The following TXNRD1 variants were observed in gnomAD, a reference collection of about 807,000 sequenced individuals.
The protein encoded by TXNRD1 is thioredoxin reductase 1, cytoplasmic.
A neutral mutation model predicts 80.3 loss-of-function variants in TXNRD1; 57 were observed. That is an observed-to-expected ratio of 0.71 (90% CI 0.57 to 0.89). TXNRD1 has a LOEUF of 0.89. TXNRD1 is among the 40% of genes least tolerant of loss of function. The pLI, the probability that TXNRD1 is intolerant of heterozygous loss-of-function variation, is 0.00. For missense variants in TXNRD1, 730 were observed against 803.0 expected, an observed-to-expected ratio of 0.91 and a Z score of 1.10; for synonymous variants, 291 against 285.2, an observed-to-expected ratio of 1.02 and a Z score of -0.20.
chr12:104,257,767 C>T (rs896348979), intron 2 of TXNRD1, among the ~76,000 whole-genome samples: 6 of 152,192 alleles, frequency 3.9e-5, no homozygotes, highest in Non-Finnish European at 7.4e-5. Context: ...AGTCACTAAA[C>T]ATATAAAATG....
chr12:104,301,101 T>C (rs1015416744), intron 4 of TXNRD1, among the ~76,000 whole-genome samples: 1 of 152,236 alleles, frequency 6.6e-6, no homozygotes, highest in African/African-American at 2.4e-5. Context: ...TCTGTTGCTC[T>C]GAGCAAGTTG....
intron 16 of TXNRD1, among the ~76,000 whole-genome samples, chr12:104,347,642 G>A (rs1234450451): frequency 6.6e-6 from 1 of 152,192 alleles, no homozygotes; most frequent in Non-Finnish European, 1.5e-5. Context: ...GTATTGCAAA[G>A]AGCATATTGG....
rs570714663 is a variant in TXNRD1 at position 104,341,599 on chromosome 12, GT to G, written c.1881+2327del. 6.3e-3 allele frequency among the ~76,000 whole-genome samples: 956 copies of G among 152,272 alleles called. 9 individuals are homozygous for G. The highest frequency in any genetic ancestry group is 0.022 in the African/African-American group (902 of 41,526). The stretch of plus-strand genomic sequence containing the variant: ...ACAGAGCACTTCTGACCCCAGATTT[GT>G]GGGGGTTTTGCTCACACGACCAATT... On this transcript the variant is annotated intron_variant, in intron 16 of 16. Transcript: ENST00000525566.
At chr12:104,252,992 G>A (rs4964267) in intron 2 of TXNRD1, among the ~76,000 whole-genome samples, 119,435 of 151,572 alleles carry the variant, frequency 0.79, 47,341 homozygotes, top group East Asian at 0.87. Context: ...GTGAGCCACC[G>A]CGCCCGGCCG....
chr12:104,345,895 T>G, intron 16 of TXNRD1: 1 of 1,151,390 alleles, frequency 8.7e-7, no homozygotes, highest in Non-Finnish European at 1.2e-6. Flanking sequence ...CTTGTACGAG[T>G]CCTGTGTGTT....
chr12:104,325,385 C>G lies in TXNRD1; in HGVS notation c.1264C>G (p.Gln422Glu), dbSNP rs187437891. ...ACCAGGCCGACTCAGAGTAGTAGCT[C>G]AGTCCACCAATAGTGAGGAAATCAT... ...GTPGRLRVVA[Q>E]STNSEEIIEG... Residue 422 changes from glutamine (Q) to glutamate (E), a missense_variant, in exon 11 of 17, where the codon CAG becomes GAG. Gln to Glu is a conservative substitution (Grantham distance 29, BLOSUM62 2). Coordinates refer to ENST00000525566, the MANE Select transcript of TXNRD1 (RefSeq NM_001093771.3). The G allele has an allele frequency of 5.7e-5, 92 of 1,613,340 alleles. No homozygotes were observed. The African/African-American group carries it at 1.1e-3, about 19-fold the overall frequency.
chr12:104,263,389 T>A (rs922328120), intron 3 of TXNRD1, among the ~76,000 whole-genome samples: 17 of 152,156 alleles, frequency 1.1e-4, no homozygotes, highest in African/African-American at 4.1e-4. Context: ...TTATGTATAA[T>A]GTTCATGGTG....
intron 3 of TXNRD1, among the ~76,000 whole-genome samples, chr12:104,270,233 C>G (rs1433701904): frequency 1.3e-5 from 2 of 152,148 alleles, no homozygotes; most frequent in African/African-American, 4.8e-5. Flanking sequence ...CTTACTTTGC[C>G]CAGATCTGTC....
At chr12:104,291,495 T>C (rs2034212433) in intron 4 of TXNRD1, among the ~76,000 whole-genome samples, 1 of 147,004 alleles carries the variant, frequency 6.8e-6, no homozygotes, top group Admixed American at 6.7e-5. Flanking sequence ...TTTTTTTTTT[T>C]TTTTTTGAGA....
At chr12:104,276,695 G>GACC (rs746163302) in intron 3 of TXNRD1, 1 of 152,218 alleles carries the variant, frequency 6.6e-6, no homozygotes, top group Non-Finnish European at 1.5e-5. Context: ...GGGTAAGAAA[G>GACC]ACCAACCCCT....
At chr12:104,252,691 T>TATATATATATATATATATA (rs34752671) in intron 2 of TXNRD1, among the ~76,000 whole-genome samples, 8 of 31,470 alleles carry the variant, frequency 2.5e-4, no homozygotes, top group Admixed American at 5.4e-4. Context: ...TATATATATA[T>TATATATATATATATATATA]TTTTTTTTTT....
At chr12:104,245,747 AG>A (rs928117065) in intron 1 of TXNRD1, among the ~76,000 whole-genome samples, 7 of 151,794 alleles carry the variant, frequency 4.6e-5, no homozygotes, top group African/African-American at 1.7e-4. Flanking sequence ...TGTGTTACAC[AG>A]CCCTGTGGAC....
intron 4 of TXNRD1, 79 bp downstream of exon 4, chr12:104,289,119 C>G: frequency 6.6e-7 from 1 of 1,522,152 alleles, no homozygotes; most frequent in Non-Finnish European, 8.9e-7. Flanking sequence ...CCTTTTAAAG[C>G]CAGCGTGGAT....
intron 4 of TXNRD1, chr12:104,304,055 C>G (rs377416878): frequency 1.1e-5 from 17 of 1,613,700 alleles, no homozygotes; most frequent in Middle Eastern, 1.6e-4. Context: ...CCGCAGCATC[C>G]GCAGGCAGTA....
At chr12:104,281,408 T>C (rs1013303673) in intron 3 of TXNRD1, among the ~76,000 whole-genome samples, 17 of 81,282 alleles carry the variant, frequency 2.1e-4, no homozygotes, top group Admixed American at 3.5e-4. Flanking sequence ...ACTTTTTTTT[T>C]TTTTTTTTTT....
At chr12:104,293,794 G>T (rs906429885) in intron 4 of TXNRD1, among the ~76,000 whole-genome samples, 2 of 152,152 alleles carry the variant, frequency 1.3e-5, no homozygotes, top group Non-Finnish European at 2.9e-5. Flanking sequence ...CCACCAATGC[G>T]CGGAGACCGG....
chr12:104,275,453 G>A lies in TXNRD1; in HGVS notation c.305-13478G>A, dbSNP rs543453874. On this transcript the variant is annotated intron_variant, in intron 3 of 16. Transcript: ENST00000525566. The stretch of plus-strand genomic sequence containing the variant: ...GGCTGGAGTGCAATGGTGCAATCTC[G>A]GCTCACTGCAACCTCTGCCTCCCAG... Among the ~76,000 whole-genome samples the A allele has an allele frequency of 2.0e-4, 31 of 151,294 alleles. No homozygotes were observed. In the East Asian group the frequency reaches 5.7e-3, roughly 28 times the overall value.
chr12:104,311,445 T>C, intron 5 of TXNRD1, 33 bp downstream of exon 5: 1 of 1,606,472 alleles, frequency 6.2e-7, no homozygotes, highest in South Asian at 1.1e-5. Context: ...TTGTCTGTTG[T>C]CTGGGTGGTG....
chr12:104,254,497 T>C (rs1166896116), intron 2 of TXNRD1, among the ~76,000 whole-genome samples: 1 of 151,552 alleles, frequency 6.6e-6, no homozygotes, highest in African/African-American at 2.4e-5. Flanking sequence ...TCAAACATTA[T>C]TAAAGAATCG....
Sources: allele counts gnomAD v4.1 joint callset (sites outside exome capture counted in the v4.1 genomes callset), GRCh38; gene constraint gnomAD v4.1.1; transcripts MANE v1.5; gene names NCBI Gene and HGNC (gene_info 2026-07-23, HGNC 2026-07-21).